Variants in SMTN observed in about 807,000 individuals in gnomAD.
SMTN encodes smoothelin.
Under a neutral mutation model 102.0 loss-of-function variants are expected in SMTN, and 58 were observed. The observed-to-expected ratio is 0.57, with a 90% CI of 0.46 to 0.71. The LOEUF (loss-of-function observed/expected upper bound fraction) is 0.71, where lower values mean the gene tolerates loss of function less well. Ranked by LOEUF, SMTN falls within the 30% of genes least tolerant of loss-of-function variation. The pLI is 0.00. For synonymous variants in SMTN, 478 were observed against 497.9 expected, an observed-to-expected ratio of 0.96 and a Z score of 0.53; for missense variants, 1,185 against 1,241.7, an observed-to-expected ratio of 0.95 and a Z score of 0.69.
chr22:31,066,371 C>G (rs187207829), intron 1 of SMTN: 1 of 152,012 alleles, frequency 6.6e-6, no homozygotes, highest in East Asian at 1.9e-4. Context: ...TACAGTTGCA[C>G]GATCTTGGCT....
At position 31,091,423 on chromosome 22, in the gene SMTN, A is replaced by C. The variant is rs1248577685; in HGVS notation, c.1400A>C (p.Asp467Ala). The C allele has an allele frequency of 1.7e-5, 27 of 1,559,766 alleles. No homozygotes were observed. Among genetic ancestry groups the C allele is most frequent in the Non-Finnish European group, 2.2e-5 (26 of 1,157,632 alleles). The change falls in exon 10 of 21, where the codon GAC becomes GCC. Residue 467 changes from aspartate to alanine, a missense_variant. Physicochemically the swap from Asp to Ala is moderately radical, Grantham distance 126. Transcript: ENST00000333137. Reference protein sequence around the residue: ...MKTTFTIEIKDGRGQASTGRV... With the variant: ...MKTTFTIEIKAGRGQASTGRV... ...ACCACATTCACCATCGAGATCAAGG[A>C]CGGCCGTGGCCAGGCCTCCACAGGC...
In SMTN at chr22:31,088,066, C is replaced by A; in HGVS notation, c.153C>A (p.Ser51=). 6.2e-7 allele frequency: 1 copy of A among 1,611,166 alleles called. No individual in the cohort carries two copies. The highest frequency in any genetic ancestry group is 1.7e-5 in the Admixed American group (1 of 59,832). The part of the protein sequence containing the change: ...ELEREEEALA[S]KRFRAERQDN... ...AGCGCGAGGAGGAGGCCCTGGCATC[C>A]AAGCGTTTCCGTGCCGAGCGGCAGG... Residue 51 remains serine (S), a synonymous_variant, in exon 3 of 21, where the codon TCC becomes TCA. Transcript: ENST00000333137.
In SMTN at chr22:31,073,774, C is replaced by T. The variant is rs547658971; in HGVS notation, c.-385-6676C>T. Among the ~76,000 whole-genome samples the T allele has an allele frequency of 5.3e-5, 8 of 152,348 alleles. No individual in the cohort carries two copies. In the South Asian group the frequency reaches 1.7e-3, roughly 32 times the overall value. ...CACCCCAAAACTTAGTGCCTTAAAA[C>T]AGCAACCGTTTTTTTAGCTCAAGAT... On this transcript the variant is annotated intron_variant, in intron 1 of 3. Coordinates refer to the SMTN transcript ENST00000422839.
At chr22:31,088,662 C>A in intron 4 of SMTN, 37 bp from the exon 5 acceptor site, 1 of 1,612,660 alleles carries the variant, frequency 6.2e-7, no homozygotes, top group Non-Finnish European at 8.5e-7. Flanking sequence ...ACCTGGACTC[C>A]ACAGCCCAAC....
At position 31,104,479 on chromosome 22, in the gene SMTN, C is replaced by T; in HGVS notation, c.*184C>T. ...CAAGAATGTCTAGCCTGCCCGCCCG[C>T]ATGGCCAGCCAGTGGCAAGCTGCCG... On this transcript the variant is annotated 3_prime_UTR_variant, in exon 21 of 21. Coordinates refer to ENST00000333137, the MANE Select transcript of SMTN (RefSeq NM_134269.3). The T allele has an allele frequency of 6.2e-7, 1 of 1,610,170 alleles. No homozygotes were observed.
At chr22:31,099,707 G>GC (rs1175199280) in intron 18 of SMTN, 38 bp from the exon 19 acceptor site, 1 of 1,603,902 alleles carries the variant, frequency 6.2e-7, no homozygotes, top group Admixed American at 1.7e-5. Flanking sequence ...GGGGGGAGTT[G>GC]CCCCCAGGTT....
chr22:31,095,299 G>C lies in SMTN; in HGVS notation c.1633-4G>C. The stretch of plus-strand genomic sequence containing the variant: ...AAAGTCCATGCCCTCTCCCCACCCT[G>C]CAGATGGAAGCAGAGCCAGCAGAGC... On this transcript the variant is annotated splice_polypyrimidine_tract_variant and splice_region_variant and intron_variant, in intron 11 of 20. Coordinates refer to ENST00000333137, the MANE Select transcript of SMTN (RefSeq NM_134269.3). The surrounding 1 kb of genome is among the most constrained non-coding windows in gnomAD (Gnocchi z 4.1). 2 of 1,613,386 alleles carry C rather than the reference G, an allele frequency of 1.2e-6. No individual in the cohort carries two copies. Among genetic ancestry groups the C allele is most frequent in the Non-Finnish European group, 1.7e-6 (2 of 1,179,924 alleles).
chr22:31,093,759 C>T (rs780452759), intron 11 of SMTN: 16 of 1,577,544 alleles, frequency 1.0e-5, no homozygotes, highest in South Asian at 6.7e-5. Flanking sequence ...TCCTGGCTGC[C>T]GCCGACCCCG....
intron 9 of SMTN, 24 bp from the exon 10 acceptor site, chr22:31,090,937 T>G: frequency 6.2e-7 from 1 of 1,612,578 alleles, no homozygotes; most frequent in Non-Finnish European, 8.5e-7. Flanking sequence ...ACCCAGTTGC[T>G]GACAGCCCTC....
At chr22:31,090,302 C>A in intron 8 of SMTN, 122 bp downstream of exon 8, 1 of 731,374 alleles carries the variant, frequency 1.4e-6, no homozygotes. Context: ...CCATGCAGTC[C>A]CTGATACTGC....
chr22:31,076,136 TGCTTGCAGCTGGTCCA>T (rs973518447), intron 1 of SMTN, among the ~76,000 whole-genome samples: 2 of 152,228 alleles, frequency 1.3e-5, no homozygotes, highest in African/African-American at 4.8e-5. Context: ...TGCCTTCCCT[TGCTTGCAGCTGGTCCA>T]GCCGCCACGT....
At chr22:31,093,016 G>A (rs1569257076) in intron 11 of SMTN, among the ~76,000 whole-genome samples, 1 of 152,368 alleles carries the variant, frequency 6.6e-6, no homozygotes, top group East Asian at 1.9e-4. Flanking sequence ...AGGAGTACAG[G>A]CTGTGGAGTC....
chr22:31,067,938 G>T (rs1034490477), intron 1 of SMTN: 7 of 152,328 alleles, frequency 4.6e-5, no homozygotes, highest in Non-Finnish European at 1.0e-4. Context: ...GGAGGCCAAG[G>T]TGGGCAGATC....
In SMTN at chr22:31,095,654, C is replaced by G; in HGVS notation, c.1861+45C>G. 2 of 1,526,974 alleles carry G rather than the reference C, an allele frequency of 1.3e-6. No homozygotes were observed. The highest frequency in any genetic ancestry group is 1.8e-6 in the Non-Finnish European group (2 of 1,117,594). 94.6% of individuals were successfully genotyped at this position (1,526,974 alleles called of 1,614,324 possible). ...ACCCTAGATCCAGCTGCCCCATTCC[C>G]CAGCTGCTCCCCTCATACTCTGGGG... On this transcript the variant is annotated intron_variant, in intron 13 of 20. Coordinates refer to ENST00000333137, the MANE Select transcript of SMTN (RefSeq NM_134269.3). The surrounding 1 kb of genome is among the most constrained non-coding windows in gnomAD (Gnocchi z 4.1).
intron 20 of SMTN, 24 bp downstream of exon 20, chr22:31,101,073 C>G: frequency 6.4e-7 from 1 of 1,569,064 alleles, no homozygotes; most frequent in Non-Finnish European, 8.7e-7. Flanking sequence ...CCTCTACCAC[C>G]TGCCCCGTTT....
chr22:31,098,893 G>C, intron 17 of SMTN, 53 bp downstream of exon 17: 2 of 1,554,468 alleles, frequency 1.3e-6, no homozygotes, highest in Non-Finnish European at 8.7e-7. Context: ...ATAGGCAGTG[G>C]GGGGCGGGGC....
At position 31,095,204 on chromosome 22, in the gene SMTN, G is replaced by A. The variant is rs372455646; in HGVS notation, c.1633-99G>A. On this transcript the variant is annotated intron_variant, in intron 11 of 20. Transcript: ENST00000333137. This position sits in a 1 kb window ranked among gnomAD's most constrained non-coding sequence, Gnocchi z 4.1. ...GCAGGCTAGTGGTTATTTCCAAGGC[G>A]TGCCAGCAACCCTAGGATCTGCTTC... 109 of 1,276,218 alleles carry A rather than the reference G, an allele frequency of 8.5e-5. No homozygotes were observed. In the African/African-American group the frequency reaches 1.0e-3, roughly 12 times the overall value. 79.1% of individuals were successfully genotyped at this position (1,276,218 alleles called of 1,614,324 possible). A position where few individuals can be genotyped will look rare whatever the true frequency, so the allele number is the denominator to read the frequency against.
chr22:31,084,200 C>G (rs1237809638), intron 2 of SMTN, among the ~76,000 whole-genome samples: 1 of 152,216 alleles, frequency 6.6e-6, no homozygotes, highest in Non-Finnish European at 1.5e-5. Flanking sequence ...CTTCCCCAAC[C>G]CCAAAGGCCA....
intron 17 of SMTN, 111 bp downstream of exon 17, chr22:31,098,951 T>C: frequency 6.5e-7 from 1 of 1,537,374 alleles, no homozygotes; most frequent in Admixed American, 1.7e-5. Flanking sequence ...GCTAGATCTG[T>C]GGTGCAAAGG....
Sources: gnomAD v4.1 joint callset for allele counts (sites outside exome capture counted in the v4.1 genomes callset) on GRCh38, gnomAD v4.1.1 for gene constraint, Gnocchi (gnomAD v3.1) non-coding constraint, MANE v1.5 for transcripts, NCBI Gene and HGNC (gene_info 2026-07-23, HGNC 2026-07-21) for gene names.